HYDIN: variants seen among roughly 807,000 people sequenced by gnomAD.
HYDIN encodes the protein HYDIN axonemal central pair apparatus protein, also known as axonemal central pair apparatus protein HYDIN.
A neutral mutation model predicts 403.9 loss-of-function variants in HYDIN; 132 were observed. The observed-to-expected ratio is 0.33, with a 90% CI of 0.28 to 0.38. The LOEUF (loss-of-function observed/expected upper bound fraction) is 0.38, where lower values mean the gene tolerates loss of function less well. Among genes scored for constraint, HYDIN ranks in the 10% least tolerant of loss-of-function variants. The pLI is 1.00. For synonymous variants in HYDIN, 1,202 were observed against 1,891.7 expected (o/e 0.64, Z 9.46); for missense variants, 2,827 against 5,009.5 (o/e 0.56, Z 13.15).
intron 47 of HYDIN, among the ~76,000 whole-genome samples, chr16:70,917,985 A>G (rs949724879): frequency 1.3e-5 from 2 of 152,028 alleles, no homozygotes; most frequent in Admixed American, 1.3e-4. Flanking sequence ...ATCAATCATT[A>G]TCCGTTTCCT....
At chr16:71,223,638 A>G (rs1002383019) in intron 1 of HYDIN, among the ~76,000 whole-genome samples, 1 of 152,148 alleles carries the variant, frequency 6.6e-6, no homozygotes, top group African/African-American at 2.4e-5. Flanking sequence ...AGAAAAAAAA[A>G]AAAACAAATA....
chr16:71,219,331 T>A (rs2144753720), intron 1 of HYDIN, among the ~76,000 whole-genome samples: 1 of 152,290 alleles, frequency 6.6e-6, no homozygotes, highest in Non-Finnish European at 1.5e-5. Context: ...GGGGCAGATT[T>A]ATGCATTGCC....
intron 43 of HYDIN, among the ~76,000 whole-genome samples, chr16:70,940,447 A>G (rs1393987993): frequency 6.6e-6 from 1 of 152,008 alleles, no homozygotes; most frequent in Non-Finnish European, 1.5e-5. Context: ...TGGCATGTTC[A>G]TAGATGTTCG....
chr16:71,167,618 T>C (rs2086285300), intron 5 of HYDIN, among the ~76,000 whole-genome samples: 1 of 152,166 alleles, frequency 6.6e-6, no homozygotes, highest in Admixed American at 6.5e-5. Flanking sequence ...ATAAGGAAGG[T>C]TTGAAGTTTG....
In HYDIN at chr16:70,849,747, T is replaced by C; in HGVS notation, c.12852A>G (p.Thr4284=). ...TCACCTTGATTATGAGTTCCAGGTC[T>C]GTCAAGACACACTTCTTTAATGGTT... The part of the protein sequence containing the change: ...SFQPLKKCVL[T]DLELIIKISH... The change falls in exon 75 of 86, where the codon ACA becomes ACG. Residue 4284 remains threonine (T), a synonymous_variant. Transcript: ENST00000393567. 1.5e-6 allele frequency: 1 copy of C among 646,136 alleles called. No homozygotes were observed. Among genetic ancestry groups the C allele is most frequent in the South Asian group, 1.9e-5 (1 of 51,582 alleles). 40.0% of individuals were successfully genotyped at this position (646,136 alleles called of 1,614,324 possible).
intron 22 of HYDIN, among the ~76,000 whole-genome samples, chr16:71,019,329 T>A (rs1353916248): frequency 8.5e-5 from 13 of 152,292 alleles, no homozygotes; most frequent in Non-Finnish European, 5.9e-5. Context: ...GCACCTCATC[T>A]TTCCACTGGG....
At chr16:70,824,327 C>T (rs900399814) in intron 83 of HYDIN, among the ~76,000 whole-genome samples, 1 of 151,928 alleles carries the variant, frequency 6.6e-6, no homozygotes, top group East Asian at 1.9e-4. Context: ...GAATGAGAAA[C>T]CTTCTCTTAT....
At chr16:70,826,883 G>A (rs970399879) in intron 83 of HYDIN, among the ~76,000 whole-genome samples, 7 of 106,196 alleles carry the variant, frequency 6.6e-5, no homozygotes, top group Admixed American at 1.9e-4. Flanking sequence ...CTTTAGTCCC[G>A]ACCTCTCCCA....
At chr16:70,979,710 T>C (rs1246833716) in intron 29 of HYDIN, among the ~76,000 whole-genome samples, 1 of 152,130 alleles carries the variant, frequency 6.6e-6, no homozygotes, top group Non-Finnish European at 1.5e-5. Flanking sequence ...GGCGGGCAGA[T>C]TGCCTGAGCT....
chr16:71,074,681 A>G, intron 13 of HYDIN, among the ~76,000 whole-genome samples: 1 of 139,526 alleles, frequency 7.2e-6, no homozygotes, highest in East Asian at 2.1e-4. Flanking sequence ...CTGTCTCAAA[A>G]CAAAACAAAA....
At chr16:71,179,403 C>T (rs112000632) in intron 3 of HYDIN, among the ~76,000 whole-genome samples, 7 of 148,726 alleles carry the variant, frequency 4.7e-5, no homozygotes, top group Middle Eastern at 3.6e-3. Flanking sequence ...CCTTCAAAAA[C>T]GAAGTTTGAA....
chr16:70,813,237 C>T (rs1278287990), intron 84 of HYDIN, among the ~76,000 whole-genome samples: 2 of 151,604 alleles, frequency 1.3e-5, no homozygotes, highest in Non-Finnish European at 3.0e-5. Context: ...AGGTGTGAGC[C>T]ACCGCGCCCG....
At chr16:70,930,721 C>A (rs1181495438) in intron 45 of HYDIN, among the ~76,000 whole-genome samples, 3 of 152,124 alleles carry the variant, frequency 2.0e-5, no homozygotes, top group African/African-American at 7.2e-5. Context: ...AAGAATGGAA[C>A]TGACATCTTA....
At chr16:70,840,419 A>T (rs2037737762) in intron 75 of HYDIN, among the ~76,000 whole-genome samples, 186 bp from the exon 76 acceptor site, 1 of 151,876 alleles carries the variant, frequency 6.6e-6, no homozygotes, top group Non-Finnish European at 1.5e-5. Context: ...CTCTGTAATC[A>T]GGCCCTACAT....
chr16:71,149,830 G>C (rs2085470500), intron 7 of HYDIN, among the ~76,000 whole-genome samples: 1 of 151,770 alleles, frequency 6.6e-6, no homozygotes. Flanking sequence ...AGTCGGCTGA[G>C]AAAATATTTT....
intron 1 of HYDIN, among the ~76,000 whole-genome samples, chr16:71,211,566 C>T (rs546012052): frequency 8.7e-5 from 13 of 150,062 alleles, no homozygotes; most frequent in Non-Finnish European, 1.8e-4. Flanking sequence ...GGCTTGAACC[C>T]GGGAGGCGGA....
intron 60 of HYDIN, among the ~76,000 whole-genome samples, chr16:70,881,602 C>T (rs1277703504): frequency 9.7e-5 from 9 of 93,034 alleles, no homozygotes; most frequent in East Asian, 8.1e-4. Context: ...AGCAAGACTC[C>T]GTCTCAAAAA....
chr16:70,937,385 C>T (rs1348014001), intron 44 of HYDIN, among the ~76,000 whole-genome samples: 3 of 150,458 alleles, frequency 2.0e-5, no homozygotes, highest in Non-Finnish European at 3.0e-5. Context: ...CTGTGGCTCA[C>T]GCCTGTAATC....
chr16:71,169,268 A>G (rs1276475741), intron 5 of HYDIN, among the ~76,000 whole-genome samples: 1 of 152,092 alleles, frequency 6.6e-6, no homozygotes, highest in East Asian at 1.9e-4. Context: ...TCTACCAAAA[A>G]TAAAATTTAA....
Sources: allele counts gnomAD v4.1 joint callset (sites outside exome capture counted in the v4.1 genomes callset), GRCh38; gene constraint gnomAD v4.1.1; transcripts MANE v1.5; gene names NCBI Gene and HGNC (gene_info 2026-07-23, HGNC 2026-07-21).